Variants in SPAG16 observed in about 807,000 individuals in gnomAD.
The protein encoded by SPAG16 is sperm-associated antigen 16 protein.
SPAG16 carries 86 observed loss-of-function variants against 80.4 expected under a neutral mutation model. That is an observed-to-expected ratio of 1.07 (90% confidence interval 0.90 to 1.28). SPAG16 has a LOEUF of 1.28. Ranked by LOEUF, SPAG16 falls within the 50% of genes most tolerant of loss-of-function variation. SPAG16 has a pLI of 0.00. For synonymous variants in SPAG16, 294 were observed against 265.9 expected (o/e 1.11, Z -1.03); for missense variants, 870 against 765.3 (o/e 1.14, Z -1.61).
At chr2:214,381,880 A>G (rs191832570) in intron 15 of SPAG16, among the ~76,000 whole-genome samples, 9 of 152,352 alleles carry the variant, frequency 5.9e-5, no homozygotes, top group African/African-American at 1.4e-4. Context: ...TTCTGCCCCT[A>G]TTATCTGGAG....
rs538673575 is a variant in SPAG16, at chr2:213,760,521, C to T, written c.1071-101964C>T. On this transcript the variant is annotated intron_variant, in intron 10 of 15. Coordinates refer to ENST00000331683, the MANE Select transcript of SPAG16 (RefSeq NM_024532.5). ...CTCAATAATGGCTAGAAAAAAAAAA[C>T]AAAGATAAATAAGAAAATGCAATAC... Among the ~76,000 whole-genome samples, 15 of 136,404 alleles carry T rather than the reference C, an allele frequency of 1.1e-4. No homozygotes were observed. In the East Asian group the frequency reaches 2.2e-3, roughly 20 times the overall value. 89.5% of individuals were successfully genotyped at this position (136,404 alleles called of 152,430 possible).
intron 10 of SPAG16, among the ~76,000 whole-genome samples, chr2:213,609,332 G>A (rs1011724272): frequency 7.4e-6 from 1 of 135,382 alleles, no homozygotes. Flanking sequence ...TTAGAGCAAT[G>A]GTAACCTCTT....
chr2:213,857,583 A>G (rs2075231355), intron 10 of SPAG16, among the ~76,000 whole-genome samples: 1 of 152,192 alleles, frequency 6.6e-6, no homozygotes, highest in South Asian at 2.1e-4. Context: ...ACAAAATATT[A>G]CTTCCCATTT....
chr2:213,650,527 G>A (rs575721850), intron 10 of SPAG16, among the ~76,000 whole-genome samples: 1 of 152,154 alleles, frequency 6.6e-6, no homozygotes, highest in Non-Finnish European at 1.5e-5. Flanking sequence ...TGTGTTTGGC[G>A]ATAGGGGAAT....
At chr2:213,412,433 T>A (rs2069026396) in intron 9 of SPAG16, among the ~76,000 whole-genome samples, 1 of 152,112 alleles carries the variant, frequency 6.6e-6, no homozygotes, top group Non-Finnish European at 1.5e-5. Context: ...TTGCTGAGAA[T>A]TGAAAAGAAA....
intron 11 of SPAG16, among the ~76,000 whole-genome samples, chr2:213,890,896 A>G (rs1253543511): frequency 6.6e-6 from 1 of 152,112 alleles, no homozygotes; most frequent in East Asian, 1.9e-4. Flanking sequence ...GAGGTGGGGA[A>G]TGAAGAGATT....
At chr2:214,107,967 C>T (rs2053467050) in intron 13 of SPAG16, among the ~76,000 whole-genome samples, 1 of 152,122 alleles carries the variant, frequency 6.6e-6, no homozygotes, top group East Asian at 1.9e-4. Flanking sequence ...GTAAAAGCAA[C>T]AACAGTAGAA....
At chr2:213,418,946 A>G (rs2125427184) in intron 9 of SPAG16, among the ~76,000 whole-genome samples, 1 of 148,628 alleles carries the variant, frequency 6.7e-6, no homozygotes, top group Admixed American at 6.8e-5. Flanking sequence ...ACTCTTACCC[A>G]GTATTTGATC....
chr2:213,912,247 A>G (rs1249721503), intron 11 of SPAG16, among the ~76,000 whole-genome samples: 1 of 152,198 alleles, frequency 6.6e-6, no homozygotes, highest in East Asian at 1.9e-4. Flanking sequence ...TGATATCAAT[A>G]TACATTTATA....
At chr2:214,250,759 G>C (rs202020736) in intron 15 of SPAG16, among the ~76,000 whole-genome samples, 5 of 94,528 alleles carry the variant, frequency 5.3e-5, no homozygotes, top group Non-Finnish European at 9.1e-5. Context: ...TATATATATA[G>C]AGAGAGAGAG....
chr2:213,632,628 T>C (rs1044089725), intron 10 of SPAG16, among the ~76,000 whole-genome samples: 2 of 152,180 alleles, frequency 1.3e-5, no homozygotes, highest in Admixed American at 1.3e-4. Context: ...GCTTTTATTA[T>C]GTTGAGGTAT....
At chr2:213,545,185 T>C (rs2076573919) in intron 10 of SPAG16, among the ~76,000 whole-genome samples, 1 of 152,154 alleles carries the variant, frequency 6.6e-6, no homozygotes, top group Non-Finnish European at 1.5e-5. Context: ...ATGGTATTCA[T>C]TGTGGTTTTA....
chr2:214,145,675 G>T (rs1369166865), intron 14 of SPAG16, among the ~76,000 whole-genome samples: 1 of 152,078 alleles, frequency 6.6e-6, no homozygotes, highest in Non-Finnish European at 1.5e-5. Flanking sequence ...TTTCATCTCA[G>T]CTGTACCCTT....
chr2:214,297,925 T>G (rs1187676695), intron 15 of SPAG16, among the ~76,000 whole-genome samples: 1 of 151,730 alleles, frequency 6.6e-6, no homozygotes, highest in Admixed American at 6.6e-5. Context: ...TACTGTAGAT[T>G]GCTTTGGAAG....
intron 10 of SPAG16, among the ~76,000 whole-genome samples, chr2:213,675,781 T>G (rs1322813462): frequency 1.3e-5 from 2 of 152,088 alleles, no homozygotes; most frequent in East Asian, 3.9e-4. Context: ...CTGTTTTGGT[T>G]ACTGTAGCCT....
intron 5 of SPAG16, among the ~76,000 whole-genome samples, chr2:213,320,017 AC>A (rs1231261549): frequency 6.6e-5 from 10 of 152,070 alleles, no homozygotes; most frequent in Admixed American, 6.5e-4. Context: ...GCTTTACTCT[AC>A]TTGACATGGA....
chr2:214,234,123 G>C (rs925470921), intron 15 of SPAG16, among the ~76,000 whole-genome samples: 3 of 152,012 alleles, frequency 2.0e-5, no homozygotes, highest in Admixed American at 6.6e-5. Context: ...CCACTTATAA[G>C]TGAGAAGATG....
In SPAG16 at chr2:213,525,284, C is replaced by CTTT. The variant is rs71060436; in HGVS notation, c.1070+35214_1070+35216dup. On this transcript the variant is annotated intron_variant, in intron 10 of 15. Coordinates refer to ENST00000331683, the MANE Select transcript of SPAG16 (RefSeq NM_024532.5). ...AATCAATTAAACCTCTTTTCCTTTTCTTTTTTTTTTTTTTTTTTTTTTGAG... is the reference window on the plus strand; with the variant it reads ...AATCAATTAAACCTCTTTTCCTTTTCTTTTTTTTTTTTTTTTTTTTTTTTTGAG... Among the ~76,000 whole-genome samples, 288 of 100,292 alleles carry CTTT rather than the reference C, an allele frequency of 2.9e-3. 1 individual carries two copies. The highest frequency in any genetic ancestry group is 7.8e-3 in the Middle Eastern group (1 of 128). The allele number at this position is 100,292 out of a possible 152,430, so 65.8% of individuals were successfully genotyped here. A position where few individuals can be genotyped will look rare whatever the true frequency, so the allele number is the denominator to read the frequency against.
At chr2:213,441,552 G>C (rs1001757879) in intron 9 of SPAG16, among the ~76,000 whole-genome samples, 5 of 152,126 alleles carry the variant, frequency 3.3e-5, no homozygotes, top group Non-Finnish European at 7.4e-5. Context: ...TTTTGACCTG[G>C]GTGGTAATTA....
Sources: gnomAD v4.1 joint callset for allele counts (sites outside exome capture counted in the v4.1 genomes callset) on GRCh38, gnomAD v4.1.1 for gene constraint, MANE v1.5 for transcripts, NCBI Gene and HGNC (gene_info 2026-07-23, HGNC 2026-07-21) for gene names.